ALB: variants seen among roughly 807,000 people sequenced by gnomAD.
ALB encodes serum albumin.
In ALB, 37 loss-of-function variants were observed where a neutral mutation model predicts 74.5. The ratio of observed to expected loss-of-function variants is 0.50; its 90% confidence interval spans 0.38 to 0.65. The LOEUF (loss-of-function observed/expected upper bound fraction) is 0.65. Among genes scored for constraint, ALB ranks in the 30% least tolerant of loss-of-function variants. ALB has a pLI of 0.00. For missense variants in ALB, 685 were observed against 718.7 expected (o/e 0.95, Z 0.54); for synonymous variants, 249 against 251.6 (o/e 0.99, Z 0.10).
Position 73,418,326 on chromosome 4 carries a change from A to C in ALB, c.1652+15A>C. On this transcript the variant is annotated intron_variant, in intron 12 of 14. Coordinates refer to ENST00000295897, the MANE Select transcript of ALB (RefSeq NM_000477.7). ...AAGAAACAAACGTGAGGAGTATTTC[A>C]TTACTGCATGTGTTTGTAGTCTTGA... 3 of 1,600,952 alleles carry C rather than the reference A, an allele frequency of 1.9e-6. No homozygotes were observed. The highest frequency in any genetic ancestry group is 2.6e-6 in the Non-Finnish European group (3 of 1,169,928).
At chr4:73,406,586 T>C in intron 2 of ALB, 43 bp from the exon 3 acceptor site, 2 of 1,605,026 alleles carry the variant, frequency 1.2e-6, no homozygotes, top group East Asian at 2.2e-5. Context: ...TGTTACATAT[T>C]AAAGTTTTAT....
chr4:73,417,473 A>G, intron 10 of ALB, 58 bp from the exon 11 acceptor site: 2 of 1,598,074 alleles, frequency 1.3e-6, no homozygotes, highest in Non-Finnish European at 8.6e-7. Context: ...TCTCTGTTTT[A>G]TCTACTATGT....
intron 9 of ALB, among the ~76,000 whole-genome samples, chr4:73,415,752 CA>C (rs1392098572): frequency 6.6e-6 from 1 of 152,112 alleles, no homozygotes; most frequent in Non-Finnish European, 1.5e-5. Context: ...GCACCATGCA[CA>C]AACAATGACC....
chr4:73,408,951 T>C, intron 4 of ALB, 146 bp downstream of exon 4: 1 of 732,244 alleles, frequency 1.4e-6, no homozygotes. Context: ...AGAAGTAGTA[T>C]TTGATACCAC....
chr4:73,410,955 T>C (rs140039805), intron 6 of ALB, among the ~76,000 whole-genome samples: 33 of 152,322 alleles, frequency 2.2e-4, no homozygotes, highest in African/African-American at 7.5e-4. Context: ...AAGTTACTTC[T>C]TATTTTTGCA....
chr4:73,406,576 T>A, intron 2 of ALB, 53 bp from the exon 3 acceptor site: 3 of 1,573,326 alleles, frequency 1.9e-6, no homozygotes, highest in Non-Finnish European at 2.6e-6. Flanking sequence ...CGTAGCAACC[T>A]GTTACATATT....
At chr4:73,411,587 AAAACT>A (rs1326731918) in intron 6 of ALB, among the ~76,000 whole-genome samples, 3 of 152,206 alleles carry the variant, frequency 2.0e-5, no homozygotes, top group Non-Finnish European at 2.9e-5. Flanking sequence ...TTTAATCCTC[AAAACT>A]TCTTCAATTT....
In ALB at chr4:73,406,770, A is replaced by G. The variant is rs758562878; in HGVS notation, c.270+9A>G. The G allele has an allele frequency of 1.9e-6, 3 of 1,613,536 alleles. No homozygotes were observed. The highest frequency in any genetic ancestry group is 2.5e-6 in the Non-Finnish European group (3 of 1,179,842). On this transcript the variant is annotated intron_variant, in intron 3 of 14. Coordinates refer to ENST00000295897, the MANE Select transcript of ALB (RefSeq NM_000477.7). ...ATTGTGACAAATCACTTGTAAGTAC[A>G]TTCTAATTGTGGAGATTCTTTCTTC...
At chr4:73,419,356 C>T (rs1029047728) in intron 12 of ALB, 151 bp from the exon 13 acceptor site, 6 of 749,906 alleles carry the variant, frequency 8.0e-6, no homozygotes, top group African/African-American at 3.5e-5. Flanking sequence ...AGACTTATAG[C>T]GGTATGCCTG....
chr4:73,417,850 A>ATT (rs371597764), intron 11 of ALB, among the ~76,000 whole-genome samples, 181 bp downstream of exon 11: 8 of 140,248 alleles, frequency 5.7e-5, no homozygotes, highest in Non-Finnish European at 6.3e-5. Flanking sequence ...GAGGATGATA[A>ATT]TTTTTTTTTT....
Position 73,412,039 on chromosome 4 carries a change from G to C in ALB, c.757G>C (p.Ala253Pro). The C allele has an allele frequency of 4.3e-6, 7 of 1,614,168 alleles. No homozygotes were observed. The highest frequency in any genetic ancestry group is 5.9e-6 in the Non-Finnish European group (7 of 1,180,016). ...CCAGAGATTTCCCAAAGCTGAGTTTGCAGAAGTTTCCAAGTTAGTGACAGA... is the reference window on the plus strand; with the variant it reads ...CCAGAGATTTCCCAAAGCTGAGTTTCCAGAAGTTTCCAAGTTAGTGACAGA... ...LSQRFPKAEFAEVSKLVTDLT... is the reference protein window; with the variant it reads ...LSQRFPKAEFPEVSKLVTDLT... The change falls in exon 7 of 15, where the codon GCA becomes CCA. Residue 253 changes from alanine to proline, a missense_variant. Physicochemically the swap from Ala to Pro is conservative, Grantham distance 27. Coordinates refer to ENST00000295897, the MANE Select transcript of ALB (RefSeq NM_000477.7).
intron 8 of ALB, 71 bp downstream of exon 8, chr4:73,413,705 T>C: frequency 1.4e-6 from 2 of 1,455,596 alleles, no homozygotes; most frequent in Non-Finnish European, 1.9e-6. Flanking sequence ...AGCCTAGGCT[T>C]TTCTGTGGAG....
At chr4:73,405,635 G>A (rs1384510285) in intron 2 of ALB, among the ~76,000 whole-genome samples, 1 of 151,736 alleles carries the variant, frequency 6.6e-6, no homozygotes, top group Non-Finnish European at 1.5e-5. Flanking sequence ...CTGTCGCCCA[G>A]GCTGGAGTGC....
chr4:73,417,513 A>G lies in ALB; in HGVS notation c.1290-18A>G, dbSNP rs753859266. ...CAGTTTCTTGCCTTGCTGAAAACACATGACTTCTTTTTTTCAGGCTATTAG... is the reference window on the plus strand; with the variant it reads ...CAGTTTCTTGCCTTGCTGAAAACACGTGACTTCTTTTTTTCAGGCTATTAG... On this transcript the variant is annotated intron_variant, in intron 10 of 14. Transcript: ENST00000295897. 1.9e-5 allele frequency: 31 copies of G among 1,613,802 alleles called. No individual in the cohort carries two copies. Among genetic ancestry groups the G allele is most frequent in the Middle Eastern group, 3.3e-4 (2 of 6,082 alleles).
At position 73,412,006 on chromosome 4, in the gene ALB, C is replaced by T. The variant is rs754953092; in HGVS notation, c.724C>T (p.Arg242Cys). ...CGATTTTCTTTTTAGGGCAGTAGCTCGCCTGAGCCAGAGATTTCCCAAAGC... is the reference window on the plus strand; with the variant it reads ...CGATTTTCTTTTTAGGGCAGTAGCTTGCCTGAGCCAGAGATTTCCCAAAGC... ...ERAFKAWAVARLSQRFPKAEF... is the reference protein window; with the variant it reads ...ERAFKAWAVACLSQRFPKAEF... The change falls in exon 7 of 15, where the codon CGC becomes TGC. Residue 242 changes from arginine to cysteine, a missense_variant. Coordinates refer to ENST00000295897, the MANE Select transcript of ALB (RefSeq NM_000477.7). 2.7e-5 allele frequency: 44 copies of T among 1,613,964 alleles called. No individual in the cohort carries two copies. In the Middle Eastern group the frequency reaches 4.9e-4, roughly 18 times the overall value.
intron 11 of ALB, 111 bp from the exon 12 acceptor site, chr4:73,417,977 T>C: frequency 9.8e-7 from 1 of 1,017,414 alleles, no homozygotes; most frequent in East Asian, 2.6e-5. Flanking sequence ...GCCTCCCAAG[T>C]AGCTGGGACT....
At chr4:73,413,260 T>C in intron 7 of ALB, 160 bp from the exon 8 acceptor site, 1 of 708,386 alleles carries the variant, frequency 1.4e-6, no homozygotes, top group East Asian at 2.7e-5. Context: ...TAGTCCTATC[T>C]ACATCTCCAG....
At chr4:73,409,154 C>A (rs986441181) in intron 4 of ALB, 16 of 640,772 alleles carry the variant, frequency 2.5e-5, no homozygotes, top group Non-Finnish European at 3.7e-5. Flanking sequence ...TATGCACACA[C>A]ACACACACAC....
intron 12 of ALB, 62 bp downstream of exon 12, chr4:73,418,373 G>A: frequency 6.8e-7 from 1 of 1,460,360 alleles, no homozygotes; most frequent in Non-Finnish European, 9.5e-7. Flanking sequence ...GTCAATTCAA[G>A]CTAGCAACTT....
Sources: gnomAD v4.1 joint callset for allele counts (sites outside exome capture counted in the v4.1 genomes callset) on GRCh38, gnomAD v4.1.1 for gene constraint, MANE v1.5 for transcripts, NCBI Gene and HGNC (gene_info 2026-07-23, HGNC 2026-07-21) for gene names.